The following IRAK1BP1 variants were observed in gnomAD, a reference collection of about 807,000 sequenced individuals.
IRAK1BP1 encodes interleukin-1 receptor-associated kinase 1-binding protein 1.
IRAK1BP1 carries 24 observed loss-of-function variants against 28.0 expected under a neutral mutation model. That is an observed-to-expected ratio of 0.86 (90% CI 0.62 to 1.20). The LOEUF (loss-of-function observed/expected upper bound fraction) is 1.20, where lower values mean the gene tolerates loss of function less well. Ranked by LOEUF, IRAK1BP1 falls within the 50% of genes most tolerant of loss-of-function variation. IRAK1BP1 has a pLI of 0.00. For synonymous variants in IRAK1BP1, 131 were observed against 116.3 expected (o/e 1.13, Z -0.81); for missense variants, 336 against 316.7 (o/e 1.06, Z -0.46).
the IRAK1BP1 span, chr6:78,955,320 T>C: frequency 7.9e-6 from 11 of 1,400,676 alleles, no homozygotes; most frequent in African/African-American, 1.4e-4. Context: ...TAAAACATTT[T>C]AGATGTCATT....
chr6:78,943,326 G>T (rs1773604056), intron 4 of IRAK1BP1, among the ~76,000 whole-genome samples: 2 of 152,188 alleles, frequency 1.3e-5, no homozygotes. Flanking sequence ...TCGAGTATTT[G>T]TAATACTCAA....
the IRAK1BP1 span, among the ~76,000 whole-genome samples, chr6:78,973,749 T>C: frequency 6.6e-6 from 1 of 151,868 alleles, no homozygotes; most frequent in Non-Finnish European, 1.5e-5. Flanking sequence ...AAACAGACTT[T>C]AAACCAACAA....
At chr6:78,933,619 CA>C (rs975070392) in intron 4 of IRAK1BP1, among the ~76,000 whole-genome samples, 1 of 148,684 alleles carries the variant, frequency 6.7e-6, no homozygotes, top group South Asian at 2.1e-4. Flanking sequence ...CTGTCTCAAA[CA>C]AAAACAAAAA....
At chr6:78,945,335 G>A (rs773509249) in intron 4 of IRAK1BP1, 2 of 1,613,522 alleles carry the variant, frequency 1.2e-6, no homozygotes, top group Non-Finnish European at 1.7e-6. Context: ...TGAAAGAGTG[G>A]ACGCCTTTGG....
intron 4 of IRAK1BP1, among the ~76,000 whole-genome samples, chr6:78,919,869 GA>G (rs1381462699): frequency 2.6e-5 from 4 of 152,166 alleles, no homozygotes; most frequent in Admixed American, 6.5e-5. Context: ...AACACATAAT[GA>G]AAAAAGAAAA....
chr6:78,975,025 A>C, the IRAK1BP1 span, among the ~76,000 whole-genome samples: 13 of 151,382 alleles, frequency 8.6e-5, no homozygotes, highest in Non-Finnish European at 1.9e-4. Context: ...TCATTTTATG[A>C]GGCCAGCATC....
chr6:78,886,793 G>A (rs1288184357), intron 2 of IRAK1BP1, among the ~76,000 whole-genome samples: 3 of 152,172 alleles, frequency 2.0e-5, no homozygotes, highest in East Asian at 3.9e-4. Context: ...GAGCATTAGA[G>A]CTGCTTGTTT....
In IRAK1BP1 at chr6:78,892,915, T is replaced by C. The variant is rs1380901338; in HGVS notation, c.382-4914T>C. Among the ~76,000 whole-genome samples, 3 of 151,984 alleles carry C rather than the reference T, an allele frequency of 2.0e-5. No individual in the cohort carries two copies. The East Asian group carries it at 5.8e-4, about 29-fold the overall frequency. On this transcript the variant is annotated intron_variant, in intron 2 of 3. Transcript: ENST00000369940. ...GATGTAAAAACGAGTTAATAAAATGTAGGACAACATCAAATAGCCTATTAT... is the reference window on the plus strand; with the variant it reads ...GATGTAAAAACGAGTTAATAAAATGCAGGACAACATCAAATAGCCTATTAT...
At chr6:78,882,033 A>G (rs970590452) in intron 1 of IRAK1BP1, among the ~76,000 whole-genome samples, 1 of 152,152 alleles carries the variant, frequency 6.6e-6, no homozygotes, top group Non-Finnish European at 1.5e-5. Context: ...ATGCATATAT[A>G]TATGTAACCT....
rs1287442435 is a variant in IRAK1BP1 at position 78,917,370 on chromosome 6, G to GA, written c.*67+14266dup. On this transcript the variant is annotated intron_variant and NMD_transcript_variant, in intron 4 of 4. Transcript: ENST00000606868. Reference sequence around the variant, plus strand: ...TTCAAATTAGCCAGACAAAAGTAAAGAAAAAATAATTTTTTTAAAGAACAA... The same window carrying GA: ...TTCAAATTAGCCAGACAAAAGTAAAGAAAAAAATAATTTTTTTAAAGAACAA... Among the ~76,000 whole-genome samples, 5 of 151,844 alleles carry GA rather than the reference G, an allele frequency of 3.3e-5. No individual in the cohort carries two copies. The East Asian group carries it at 9.7e-4, about 29-fold the overall frequency.
At chr6:78,872,609 T>A (rs764182324) in intron 1 of IRAK1BP1, among the ~76,000 whole-genome samples, 3 of 152,238 alleles carry the variant, frequency 2.0e-5, no homozygotes, top group Non-Finnish European at 4.4e-5. Flanking sequence ...CCAGTTTCCT[T>A]TGAGTGTCAT....
At chr6:78,969,715 C>G in the IRAK1BP1 span, 2 of 537,642 alleles carry the variant, frequency 3.7e-6, no homozygotes, top group Non-Finnish European at 6.4e-6. Context: ...TATTAACATT[C>G]CTACAAATAG....
the IRAK1BP1 span, chr6:78,956,682 T>A: frequency 6.6e-6 from 1 of 152,298 alleles, no homozygotes. Context: ...CTGCTCCTTA[T>A]CCCTGGAATG....
the IRAK1BP1 span, among the ~76,000 whole-genome samples, chr6:78,954,140 C>T: frequency 2.8e-4 from 42 of 152,234 alleles, no homozygotes; most frequent in Non-Finnish European, 4.6e-4. Flanking sequence ...CTTGCTCTGT[C>T]GCCCAGGCTG....
chr6:78,932,430 T>TTC, intron 4 of IRAK1BP1, among the ~76,000 whole-genome samples: 1 of 148,728 alleles, frequency 6.7e-6, no homozygotes, highest in Non-Finnish European at 1.5e-5. Flanking sequence ...TCTTTTTTTT[T>TTC]TTTTTTTTGA....
chr6:78,928,537 G>T (rs1772953516), intron 4 of IRAK1BP1, among the ~76,000 whole-genome samples: 2 of 152,136 alleles, frequency 1.3e-5, no homozygotes, highest in East Asian at 1.9e-4. Flanking sequence ...GATTGCTCTA[G>T]CCAGGACTTT....
At chr6:78,952,514 C>A in the IRAK1BP1 span, among the ~76,000 whole-genome samples, 2 of 150,036 alleles carry the variant, frequency 1.3e-5, no homozygotes, top group South Asian at 4.2e-4. Context: ...TCTGTCTATT[C>A]TCTTCCACTG....
chr6:78,930,544 T>C (rs1056613902), intron 4 of IRAK1BP1, among the ~76,000 whole-genome samples: 6 of 152,176 alleles, frequency 3.9e-5, no homozygotes, highest in African/African-American at 1.4e-4. Context: ...CAGTTTTCTC[T>C]GTGAAACTTG....
intron 1 of IRAK1BP1, among the ~76,000 whole-genome samples, chr6:78,878,894 G>A (rs918211880): frequency 1.3e-5 from 2 of 152,106 alleles, no homozygotes; most frequent in Non-Finnish European, 2.9e-5. Flanking sequence ...TGGAAGAAAG[G>A]GTATCAGTGG....
Sources: allele counts gnomAD v4.1 joint callset (sites outside exome capture counted in the v4.1 genomes callset), GRCh38; gene constraint gnomAD v4.1.1; transcripts MANE v1.5; gene names NCBI Gene and HGNC (gene_info 2026-07-23, HGNC 2026-07-21).